Variants in ZNF592 observed in about 807,000 individuals in gnomAD.
ZNF592 encodes zinc finger protein 592.
Under a neutral mutation model 80.3 loss-of-function variants are expected in ZNF592, and 11 were observed. That is an observed-to-expected ratio of 0.14 (90% CI 0.09 to 0.23). The LOEUF is 0.23. Among genes scored for constraint, ZNF592 ranks in the 10% least tolerant of loss-of-function variants. The pLI is 1.00. For missense variants in ZNF592, 1,420 were observed against 1,633.9 expected (o/e 0.87, Z 2.26); for synonymous variants, 646 against 640.3 (o/e 1.01, Z -0.13).
chr15:84,785,913 T>C (rs1323663009), intron 4 of ZNF592, among the ~76,000 whole-genome samples: 1 of 151,774 alleles, frequency 6.6e-6, no homozygotes, highest in African/African-American at 2.4e-5. Flanking sequence ...TTTGGCACCT[T>C]CTGTGTCTAT....
chr15:84,773,571 C>T (rs1319768062), intron 2 of ZNF592, among the ~76,000 whole-genome samples: 1 of 152,070 alleles, frequency 6.6e-6, no homozygotes, highest in East Asian at 1.9e-4. Context: ...CCTGTCTTGT[C>T]CCCATCCAGG....
chr15:84,760,852 C>G (rs1345457439), intron 1 of ZNF592, among the ~76,000 whole-genome samples: 1 of 152,168 alleles, frequency 6.6e-6, no homozygotes, highest in African/African-American at 2.4e-5. Flanking sequence ...TGCTGCAAGA[C>G]CAGTGAGGGG....
intron 1 of ZNF592, among the ~76,000 whole-genome samples, chr15:84,757,902 T>C (rs1479101410): frequency 1.3e-5 from 2 of 151,568 alleles, no homozygotes; most frequent in Non-Finnish European, 2.9e-5. Flanking sequence ...GCTCAGGCAG[T>C]CCGCCCACCT....
At chr15:84,779,944 T>C (rs1388322641) in intron 3 of ZNF592, among the ~76,000 whole-genome samples, 1 of 151,610 alleles carries the variant, frequency 6.6e-6, no homozygotes, top group East Asian at 1.9e-4. Flanking sequence ...AGCTGGAAAA[T>C]CTATTCTGCC....
Position 84,749,166 on chromosome 15 carries a change from C to T in ZNF592, c.-259+502C>T, listed in dbSNP as rs536332073. On this transcript the variant is annotated intron_variant, in intron 1 of 10. Coordinates refer to ENST00000560079, the MANE Select transcript of ZNF592 (RefSeq NM_014630.3). ...TACTCCCCTCCCCTGAGCCCAAGTT[C>T]TGACCCTGAGGAAGGTTTCTCCCGG... Among the ~76,000 whole-genome samples the T allele has an allele frequency of 4.6e-5, 7 of 152,360 alleles. No homozygotes were observed. The South Asian group carries it at 8.3e-4, about 18-fold the overall frequency.
At chr15:84,780,857 TA>T (rs1962400530) in intron 3 of ZNF592, among the ~76,000 whole-genome samples, 1 of 152,072 alleles carries the variant, frequency 6.6e-6, no homozygotes, top group East Asian at 1.9e-4. Context: ...TTTGAAAAAA[TA>T]ACCCAACAGT....
intron 4 of ZNF592, among the ~76,000 whole-genome samples, chr15:84,790,337 C>A (rs901529195): frequency 9.2e-5 from 14 of 152,004 alleles, no homozygotes; most frequent in African/African-American, 3.4e-4. Flanking sequence ...TGACAGAGAC[C>A]CTGGTGGGTC....
chr15:84,754,129 CT>C (rs1899093698), intron 1 of ZNF592, among the ~76,000 whole-genome samples: 1 of 152,168 alleles, frequency 6.6e-6, no homozygotes, highest in Non-Finnish European at 1.5e-5. Flanking sequence ...TAATGAATAC[CT>C]TTCGAGTTTG....
chr15:84,797,041 G>A (rs1962939048), intron 5 of ZNF592, among the ~76,000 whole-genome samples: 1 of 152,166 alleles, frequency 6.6e-6, no homozygotes, highest in African/African-American at 2.4e-5. Context: ...TCGGCTTACT[G>A]CAACCTCTGC....
chr15:84,778,908 A>G (rs1962343433), intron 3 of ZNF592, among the ~76,000 whole-genome samples: 1 of 152,216 alleles, frequency 6.6e-6, no homozygotes, highest in African/African-American at 2.4e-5. Context: ...TTCCTGGCCC[A>G]TGAACCAAAA....
At chr15:84,790,905 G>C in intron 5 of ZNF592, 22 bp downstream of exon 5, 2 of 1,614,106 alleles carry the variant, frequency 1.2e-6, no homozygotes, top group Non-Finnish European at 1.7e-6. Context: ...CTGGCTTGCT[G>C]TCCTGGTATT....
intron 3 of ZNF592, among the ~76,000 whole-genome samples, chr15:84,780,716 G>A (rs1398377081): frequency 6.6e-6 from 1 of 152,134 alleles, no homozygotes. Flanking sequence ...CCCACGGGGT[G>A]GTAAGAGATA....
intron 1 of ZNF592, among the ~76,000 whole-genome samples, chr15:84,758,591 C>A (rs1899251380): frequency 6.6e-6 from 1 of 152,010 alleles, no homozygotes; most frequent in Non-Finnish European, 1.5e-5. Context: ...GCCTATTATT[C>A]TTAATTAGCA....
Position 84,784,848 on chromosome 15 carries a change from G to A in ZNF592, c.2173G>A (p.Val725Ile), listed in dbSNP as rs547557462. 1 of 1,614,102 alleles carries A rather than the reference G, an allele frequency of 6.2e-7. No individual in the cohort carries two copies. Among genetic ancestry groups the A allele is most frequent in the South Asian group, 1.1e-5 (1 of 91,082 alleles). The change falls in exon 4 of 11, where the codon GTC becomes ATC. Residue 725 changes from valine to isoleucine, a missense_variant. This residue lies in a region of ZNF592 where 524 missense variants were observed against 628.3 expected (regional missense o/e 0.83). Transcript: ENST00000560079. The surrounding 1 kb of genome is among the most constrained non-coding windows in gnomAD (Gnocchi z 5.8). ...ECHKQMRDYM[V>I]LAAHFQRTTE... The stretch of plus-strand genomic sequence containing the variant: ...TCACAAGCAGATGCGGGACTACATG[G>A]TCCTGGCTGCACATTTCCAGAGGAC...
Position 84,799,228 on chromosome 15 carries a change from G to A in ZNF592, c.3137+18G>A, listed in dbSNP as rs1963024110. 12 of 1,610,998 alleles carry A rather than the reference G, an allele frequency of 7.4e-6. No individual in the cohort carries two copies. Among genetic ancestry groups the A allele is most frequent in the Non-Finnish European group, 1.0e-5 (12 of 1,177,272 alleles). On this transcript the variant is annotated intron_variant, in intron 9 of 10. Coordinates refer to ENST00000560079, the MANE Select transcript of ZNF592 (RefSeq NM_014630.3). The surrounding 1 kb of genome is among the most constrained non-coding windows in gnomAD (Gnocchi z 4.2). The stretch of plus-strand genomic sequence containing the variant: ...ACCTGCGGGTGAGTCCCTGGGGATA[G>A]TAGTGAGGAGGCCTGAGGTTCAAAA...
chr15:84,765,666 G>A (rs1448457983), intron 2 of ZNF592, among the ~76,000 whole-genome samples: 1 of 149,972 alleles, frequency 6.7e-6, no homozygotes, highest in Non-Finnish European at 1.5e-5. Context: ...AGCCTCCTGA[G>A]TAGCTGGGAC....
intron 10 of ZNF592, among the ~76,000 whole-genome samples, chr15:84,800,918 T>C (rs1173811502): frequency 1.3e-5 from 2 of 152,230 alleles, no homozygotes; most frequent in African/African-American, 4.8e-5. Context: ...TGGGTTAGTG[T>C]GCTGCCTTTA....
chr15:84,788,699 C>T (rs921762053), intron 4 of ZNF592, among the ~76,000 whole-genome samples: 2 of 152,172 alleles, frequency 1.3e-5, no homozygotes, highest in East Asian at 3.8e-4. Flanking sequence ...AACTGAAACC[C>T]TGTACTCGTT....
intron 1 of ZNF592, among the ~76,000 whole-genome samples, chr15:84,750,130 C>T (rs373124061): frequency 3.3e-5 from 5 of 152,156 alleles, no homozygotes; most frequent in Non-Finnish European, 5.9e-5. Flanking sequence ...GGTGAAACCC[C>T]GTCTCCACTA....
Sources: allele counts gnomAD v4.1 joint callset (sites outside exome capture counted in the v4.1 genomes callset), GRCh38; gene constraint gnomAD v4.1.1; regional missense constraint gnomAD v4.1.1; non-coding constraint Gnocchi (gnomAD v3.1); transcripts MANE v1.5; gene names NCBI Gene and HGNC (gene_info 2026-07-23, HGNC 2026-07-21).